CUBN: variants seen among roughly 807,000 people sequenced by gnomAD.
CUBN encodes the protein cubilin, also known as 460 kDa receptor.
Under a neutral mutation model 405.3 loss-of-function variants are expected in CUBN, and 282 were observed. The ratio of observed to expected loss-of-function variants is 0.70; its 90% confidence interval spans 0.63 to 0.77. The LOEUF is 0.77. CUBN is among the 30% of genes least tolerant of loss of function. The probability of loss-of-function intolerance (pLI) is 0.00; values close to 1 mark genes in which losing one functional copy is unlikely to be tolerated. For synonymous variants in CUBN, 1,684 were observed against 1,617.0 expected (o/e 1.04, Z -0.99); for missense variants, 4,514 against 4,475.2 (o/e 1.01, Z -0.25).
chr10:16,882,844 C>T (rs780835), intron 56 of CUBN, among the ~76,000 whole-genome samples: 106,927 of 151,506 alleles, frequency 0.71, 38,160 homozygotes, highest in East Asian at 0.84. Flanking sequence ...TGAAACCCCA[C>T]CTCTACTAAA....
intron 59 of CUBN, among the ~76,000 whole-genome samples, chr10:16,863,691 A>C (rs1243752326): frequency 7.2e-5 from 11 of 152,224 alleles, no homozygotes; most frequent in Admixed American, 6.5e-4. Flanking sequence ...CAGAAGTCTG[A>C]ATTGGACATG....
Position 16,925,284 on chromosome 10 carries a change from A to C in CUBN, c.6603T>G (p.Asn2201Lys). The change falls in exon 43 of 67, where the codon AAT (asparagine) becomes AAG (lysine). Residue 2201 changes from asparagine to lysine, a missense_variant. This residue lies in a region of CUBN where 1,613 missense variants were observed against 1,542.8 expected (regional missense o/e 1.05). Coordinates refer to ENST00000377833, the MANE Select transcript of CUBN (RefSeq NM_001081.4). ...ATTTGATTTTAAATCCTTGCCCTTC[A>C]TTACTGTGATCAGAAATAAACTGAA... is the stretch of plus-strand genomic sequence containing the variant. ...MFVQFISDHS[N>K]EGQGFKIKYE... The C allele has an allele frequency of 6.2e-7, 1 of 1,613,820 alleles. No individual in the cohort carries two copies. Among genetic ancestry groups the C allele is most frequent in the Non-Finnish European group, 8.5e-7 (1 of 1,179,776 alleles).
Position 17,109,574 on chromosome 10 carries a change from G to C in CUBN, c.1111+66C>G, listed in dbSNP as rs998038530. The C allele has an allele frequency of 1.3e-5, 16 of 1,260,122 alleles. No individual in the cohort carries two copies. The African/African-American group carries it at 2.3e-4, about 18-fold the overall frequency. 78.1% of individuals were successfully genotyped at this position (1,260,122 alleles called of 1,614,324 possible). A position where few individuals can be genotyped will look rare whatever the true frequency, so the allele number is the denominator to read the frequency against. On this transcript the variant is annotated intron_variant, in intron 10 of 66. Transcript: ENST00000377833. ...TGAGAACAGAGGATTTTGTGTTTAAGATGTTGAATTGGTTTAGAAGGTCAT... is the reference window on the plus strand; with the variant it reads ...TGAGAACAGAGGATTTTGTGTTTAACATGTTGAATTGGTTTAGAAGGTCAT...
intron 31 of CUBN, among the ~76,000 whole-genome samples, chr10:16,964,887 T>C (rs1357644059): frequency 6.6e-6 from 1 of 152,218 alleles, no homozygotes; most frequent in Non-Finnish European, 1.5e-5. Flanking sequence ...GCCCTAGGCT[T>C]GTATAGACAA....
At chr10:17,101,341 A>AT (rs34475751) in intron 13 of CUBN, among the ~76,000 whole-genome samples, 24,212 of 151,556 alleles carry the variant, frequency 0.16, 2,169 homozygotes, top group Middle Eastern at 0.3. Flanking sequence ...ACCTAAGAAT[A>AT]TTTTTTTTTC....
chr10:16,938,622 G>C (rs186726013), intron 38 of CUBN, among the ~76,000 whole-genome samples: 35 of 152,074 alleles, frequency 2.3e-4, no homozygotes, highest in Non-Finnish European at 1.8e-4. Context: ...ATTTTTATAT[G>C]ATCATTAAAA....
At chr10:16,882,604 C>T (rs1348771756) in intron 56 of CUBN, among the ~76,000 whole-genome samples, 28 of 152,106 alleles carry the variant, frequency 1.8e-4, no homozygotes, top group Non-Finnish European at 4.4e-5. Flanking sequence ...AGTTTTTCTC[C>T]AAAGTGGGGG....
chr10:16,897,749 T>G (rs1431414979), intron 54 of CUBN, among the ~76,000 whole-genome samples: 4 of 152,182 alleles, frequency 2.6e-5, no homozygotes, highest in Non-Finnish European at 5.9e-5. Context: ...ACAGCATTTC[T>G]TGGCAGAAAC....
chr10:16,927,978 G>C (rs575976044), intron 41 of CUBN, among the ~76,000 whole-genome samples, 179 bp downstream of exon 41: 1 of 152,268 alleles, frequency 6.6e-6, no homozygotes, highest in African/African-American at 2.4e-5. Flanking sequence ...CAGTGCTTTG[G>C]ATGAGGACTC....
chr10:16,983,258 C>T lies in CUBN; in HGVS notation c.4526-605G>A, dbSNP rs2131698824. Among the ~76,000 whole-genome samples the T allele has an allele frequency of 1.3e-5, 2 of 152,144 alleles. 1 individual carries two copies. Among genetic ancestry groups the T allele is most frequent in the Admixed American group, 1.3e-4 (2 of 15,280 alleles). ...GAATCATTCAGGGGTAATCTAAACA[C>T]TAAATGTGTGTGTCTGTGTGTGTGT... On this transcript the variant is annotated intron_variant, in intron 30 of 66. Coordinates refer to ENST00000377833, the MANE Select transcript of CUBN (RefSeq NM_001081.4).
Position 17,062,208 on chromosome 10 carries a change from A to T in CUBN, c.3139+3300T>A, listed in dbSNP as rs188016873. Among the ~76,000 whole-genome samples, 27 of 152,296 alleles carry T rather than the reference A, an allele frequency of 1.8e-4. No homozygotes were observed. The East Asian group carries it at 5.2e-3, about 29-fold the overall frequency. Reference sequence around the variant, plus strand: ...AGTAGCAACCGAATAAATTAATTTCATGACTCACGAATGAGTCATGAATTG... The same window carrying T: ...AGTAGCAACCGAATAAATTAATTTCTTGACTCACGAATGAGTCATGAATTG... On this transcript the variant is annotated intron_variant, in intron 22 of 66. Coordinates refer to ENST00000377833, the MANE Select transcript of CUBN (RefSeq NM_001081.4).
chr10:16,933,276 C>T lies in CUBN; in HGVS notation c.5935G>A (p.Gly1979Ser), dbSNP rs759533282. Residue 1979 changes from glycine (G) to serine (S), a missense_variant, in exon 40 of 67, where the codon GGT becomes AGT. Transcript: ENST00000377833. The stretch of plus-strand genomic sequence containing the variant: ...GCATCTCCCGTCCTCAGGAAGCCAC[C>T]ACAAGCACCTGTAGAATAGAAAGCA... ...VLPTIAPGAC[G>S]GFLRTGDAPV... The T allele has an allele frequency of 6.2e-7, 1 of 1,613,500 alleles. No individual in the cohort carries two copies. The highest frequency in any genetic ancestry group is 2.2e-5 in the East Asian group (1 of 44,870).
chr10:16,947,490 C>T, intron 35 of CUBN, 123 bp from the exon 36 acceptor site: 1 of 1,035,446 alleles, frequency 9.7e-7, no homozygotes, highest in Non-Finnish European at 1.5e-6. Flanking sequence ...TTCCATCTCA[C>T]ATTTTAAAAC....
intron 22 of CUBN, among the ~76,000 whole-genome samples, chr10:17,056,830 T>C (rs941185809): frequency 6.6e-6 from 1 of 151,958 alleles, no homozygotes; most frequent in Non-Finnish European, 1.5e-5. Context: ...CGTATTTGTA[T>C]GCAGAATATA....
intron 46 of CUBN, 103 bp from the exon 47 acceptor site, chr10:16,915,275 A>T: frequency 7.3e-7 from 1 of 1,375,584 alleles, no homozygotes; most frequent in South Asian, 1.2e-5. Context: ...AAAAAACAAG[A>T]CCCTGCCTAT....
chr10:16,949,365 T>A (rs1842863516), intron 34 of CUBN, among the ~76,000 whole-genome samples: 2 of 151,966 alleles, frequency 1.3e-5, no homozygotes, highest in African/African-American at 4.8e-5. Flanking sequence ...TGTCTTCTAG[T>A]GCAGGATGAG....
rs907494871 is a variant in CUBN at position 16,909,181 on chromosome 10, G to A, written c.7534-1502C>T. Among the ~76,000 whole-genome samples, 5 of 152,060 alleles carry A rather than the reference G, an allele frequency of 3.3e-5. 1 individual carries two copies. Among genetic ancestry groups the A allele is most frequent in the Non-Finnish European group, 5.9e-5 (4 of 68,016 alleles). On this transcript the variant is annotated intron_variant, in intron 48 of 66. Coordinates refer to ENST00000377833, the MANE Select transcript of CUBN (RefSeq NM_001081.4). ...ATTACAGGCGTGAGCCACCGCGCCC[G>A]GCCAAGATGTCATCTCTTTAAATTT...
intron 48 of CUBN, among the ~76,000 whole-genome samples, chr10:16,908,022 G>A (rs1280632685): frequency 1.3e-5 from 2 of 152,224 alleles, no homozygotes; most frequent in African/African-American, 2.4e-5. Flanking sequence ...AGAGCTCACT[G>A]ATGGGCAGTT....
chr10:16,920,892 A>G (rs1428533572), intron 43 of CUBN, among the ~76,000 whole-genome samples: 3 of 152,192 alleles, frequency 2.0e-5, no homozygotes, highest in Non-Finnish European at 4.4e-5. Context: ...ACTGTCACTC[A>G]TCCACTTACA....
Sources: allele counts gnomAD v4.1 joint callset (sites outside exome capture counted in the v4.1 genomes callset), GRCh38; gene constraint gnomAD v4.1.1; regional missense constraint gnomAD v4.1.1; transcripts MANE v1.5; gene names NCBI Gene and HGNC (gene_info 2026-07-23, HGNC 2026-07-21).